Variants in EYS observed in about 807,000 individuals in gnomAD.
EYS encodes protein eyes shut homolog.
Under a neutral mutation model 282.1 loss-of-function variants are expected in EYS, and 250 were observed. That is an observed-to-expected ratio of 0.89 (90% CI 0.80 to 0.98). The LOEUF is 0.98. Among genes scored for constraint, EYS ranks in the 50% least tolerant of loss-of-function variants. The probability of loss-of-function intolerance (pLI) is 0.00; values close to 1 mark genes in which losing one functional copy is unlikely to be tolerated. For synonymous variants in EYS, 1,355 were observed against 1,282.9 expected (o/e 1.06, Z -1.20); for missense variants, 4,016 against 3,709.0 (o/e 1.08, Z -2.15).
chr6:65,688,522 G>T lies in EYS; in HGVS notation c.-448+18613C>A, dbSNP rs190720605. ...CAATACCATTCAGGACATAGGCATG[G>T]GGAAGGACACCAAAAGCGATGGCAA... On this transcript the variant is annotated intron_variant, in intron 1 of 42. Transcript: ENST00000503581. Among the ~76,000 whole-genome samples, 379 of 152,208 alleles carry T rather than the reference G, an allele frequency of 2.5e-3. 3 individuals are homozygous for T. The highest frequency in any genetic ancestry group is 8.6e-3 in the African/African-American group (357 of 41,524).
chr6:64,780,309 G>T (rs1583149877), intron 22 of EYS, among the ~76,000 whole-genome samples: 2 of 152,308 alleles, frequency 1.3e-5, no homozygotes, highest in African/African-American at 4.8e-5. Context: ...AAATATAATG[G>T]TTGAAGAAAA....
chr6:65,091,483 A>C (rs991471967), intron 12 of EYS, among the ~76,000 whole-genome samples: 1 of 151,526 alleles, frequency 6.6e-6, no homozygotes, highest in African/African-American at 2.4e-5. Flanking sequence ...AAATAAATAA[A>C]TAACTGCTTA....
At chr6:64,678,276 G>A (rs1769763066) in intron 22 of EYS, among the ~76,000 whole-genome samples, 1 of 152,134 alleles carries the variant, frequency 6.6e-6, no homozygotes, top group South Asian at 2.1e-4. Context: ...AGGATACTGT[G>A]TTAAAAATCA....
intron 22 of EYS, among the ~76,000 whole-genome samples, chr6:64,711,402 A>G (rs1771208100): frequency 6.6e-6 from 1 of 152,190 alleles, no homozygotes; most frequent in Non-Finnish European, 1.5e-5. Context: ...TTTTGTTACT[A>G]ACTTTCTTTA....
rs1165965948 is a variant in EYS at position 63,910,754 on chromosome 6, T to A, written c.7056-46396A>T. ...GGGCATAATAAATCTATTTCAAGTGTACCTTTTTTTTCCTCTAAAACAAGA... is the reference window on the plus strand; with the variant it reads ...GGGCATAATAAATCTATTTCAAGTGAACCTTTTTTTTCCTCTAAAACAAGA... On this transcript the variant is annotated intron_variant, in intron 35 of 42. Transcript: ENST00000503581. Among the ~76,000 whole-genome samples, 5 of 152,226 alleles carry A rather than the reference T, an allele frequency of 3.3e-5. No individual in the cohort carries two copies. In the East Asian group the frequency reaches 9.6e-4, roughly 29 times the overall value.
chr6:64,990,003 G>C (rs2349996), intron 14 of EYS, among the ~76,000 whole-genome samples: 144,270 of 151,226 alleles, frequency 0.95, 68,907 homozygotes, highest in African/African-American at 0.99. Flanking sequence ...CAAATGTACA[G>C]GCATACTTGC....
chr6:65,185,304 G>A (rs941054402), intron 12 of EYS, among the ~76,000 whole-genome samples: 2 of 151,700 alleles, frequency 1.3e-5, no homozygotes, highest in African/African-American at 4.8e-5. Flanking sequence ...AGTGTTGACC[G>A]AATTTATGCA....
chr6:64,191,200 T>C (rs1765092758), intron 31 of EYS, among the ~76,000 whole-genome samples: 1 of 152,138 alleles, frequency 6.6e-6, no homozygotes, highest in Non-Finnish European at 1.5e-5. Context: ...TTTGTCTCAT[T>C]TATCTTTTTT....
chr6:64,172,920 C>T (rs1764524754), intron 31 of EYS, among the ~76,000 whole-genome samples: 1 of 152,136 alleles, frequency 6.6e-6, no homozygotes, highest in African/African-American at 2.4e-5. Flanking sequence ...TCCCCTTCTT[C>T]CTGCTGGCCA....
chr6:65,392,015 C>T (rs202129597), intron 7 of EYS, among the ~76,000 whole-genome samples: 20,280 of 151,270 alleles, frequency 0.13, 1,463 homozygotes, highest in East Asian at 0.24. Context: ...GAAATAACGC[C>T]GCATATCTAC....
At chr6:65,602,286 A>T (rs1000496784) in intron 2 of EYS, among the ~76,000 whole-genome samples, 2 of 151,966 alleles carry the variant, frequency 1.3e-5, no homozygotes, top group African/African-American at 4.8e-5. Flanking sequence ...TCTCATCATT[A>T]AAGTTATTGG....
At chr6:64,141,241 G>A (rs1774327768) in intron 31 of EYS, among the ~76,000 whole-genome samples, 1 of 152,132 alleles carries the variant, frequency 6.6e-6, no homozygotes, top group African/African-American at 2.4e-5. Context: ...AGATATATGT[G>A]CCCATCTTTA....
At chr6:64,623,815 C>A (rs1487066713) in intron 23 of EYS, among the ~76,000 whole-genome samples, 1 of 152,006 alleles carries the variant, frequency 6.6e-6, no homozygotes, top group Non-Finnish European at 1.5e-5. Flanking sequence ...AAATTGTACA[C>A]AAGAGAGTTA....
intron 21 of EYS, among the ~76,000 whole-genome samples, chr6:64,819,947 G>T (rs535180926): frequency 2.6e-5 from 4 of 152,004 alleles, no homozygotes; most frequent in African/African-American, 4.8e-5. Flanking sequence ...AGCATGGAAA[G>T]GTGTTCAATC....
chr6:64,882,645 A>T (rs947410962), intron 19 of EYS, among the ~76,000 whole-genome samples: 1 of 151,750 alleles, frequency 6.6e-6, no homozygotes, highest in Admixed American at 6.6e-5. Context: ...CAAAAAATAA[A>T]CACTAAACCC....
intron 2 of EYS, among the ~76,000 whole-genome samples, chr6:65,606,223 A>G (rs1765786842): frequency 6.6e-6 from 1 of 151,734 alleles, no homozygotes; most frequent in African/African-American, 2.4e-5. Flanking sequence ...TTTTAAAAAT[A>G]TGTTTAACCA....
chr6:64,150,464 T>G (rs1358435083), intron 31 of EYS, among the ~76,000 whole-genome samples: 2 of 152,204 alleles, frequency 1.3e-5, no homozygotes, highest in African/African-American at 4.8e-5. Context: ...TTCTAACATA[T>G]TCAAGTTTTT....
intron 1 of EYS, among the ~76,000 whole-genome samples, chr6:65,705,627 A>C (rs1312776228): frequency 6.6e-6 from 1 of 152,186 alleles, no homozygotes; most frequent in Non-Finnish European, 1.5e-5. Flanking sequence ...TAAAATGCAG[A>C]AAATTATACA....
intron 41 of EYS, chr6:63,741,895 G>C (rs1293033883): frequency 2.8e-6 from 2 of 702,064 alleles, no homozygotes. Flanking sequence ...TTGTTTTGCT[G>C]TTTGTACTGG....
Sources: allele counts gnomAD v4.1 joint callset (sites outside exome capture counted in the v4.1 genomes callset), GRCh38; gene constraint gnomAD v4.1.1; transcripts MANE v1.5; gene names NCBI Gene and HGNC (gene_info 2026-07-23, HGNC 2026-07-21).